SMAGP: variants seen among roughly 807,000 people sequenced by gnomAD.
SMAGP encodes small cell adhesion glycoprotein, also known as small cell transmembrane and glycosylated protein.
In SMAGP, 7 loss-of-function variants were observed where a neutral mutation model predicts 10.1. The ratio of observed to expected loss-of-function variants is 0.70; its 90% CI spans 0.40 to 1.31. The LOEUF (loss-of-function observed/expected upper bound fraction) is 1.31, where lower values mean the gene tolerates loss of function less well. Ranked by LOEUF, SMAGP falls within the 50% of genes most tolerant of loss-of-function variation. The probability of loss-of-function intolerance (pLI) is 0.01; values close to 1 mark genes in which losing one functional copy is unlikely to be tolerated. For synonymous variants in SMAGP, 49 were observed against 47.2 expected (o/e 1.04, Z -0.16); for missense variants, 113 against 116.5 (o/e 0.97, Z 0.14).
intron 2 of SMAGP, among the ~76,000 whole-genome samples, chr12:51,266,723 T>C (rs1944978055): frequency 1.3e-5 from 2 of 152,352 alleles, no homozygotes; most frequent in South Asian, 4.1e-4. Context: ...ACTGGGGTTT[T>C]TGGAATGAAT....
chr12:51,264,660 A>AG (rs2137310193), intron 2 of SMAGP, among the ~76,000 whole-genome samples: 1 of 150,314 alleles, frequency 6.7e-6, no homozygotes, highest in East Asian at 2.0e-4. Flanking sequence ...GGTCAGGCAC[A>AG]GTGGCTCATG....
intron 2 of SMAGP, among the ~76,000 whole-genome samples, chr12:51,258,984 CAAAAAAAA>C (rs35000436): frequency 1.6e-4 from 8 of 51,014 alleles, no homozygotes; most frequent in Non-Finnish European, 2.7e-4. Context: ...CTGTCTCTAC[CAAAAAAAA>C]AAAAAAAAAA....
chr12:51,261,466 G>GA (rs1049598045), intron 2 of SMAGP, among the ~76,000 whole-genome samples: 10 of 151,556 alleles, frequency 6.6e-5, no homozygotes, highest in African/African-American at 1.4e-4. Context: ...AAAGCCCAGA[G>GA]AAAAAAAAGG....
At chr12:51,259,942 T>C (rs1005456179) in intron 2 of SMAGP, among the ~76,000 whole-genome samples, 9 of 152,128 alleles carry the variant, frequency 5.9e-5, no homozygotes, top group African/African-American at 2.2e-4. Flanking sequence ...CTTGAACTCC[T>C]GGCCTTAAGG....
At chr12:51,255,442 C>T (rs1944876490) in intron 2 of SMAGP, among the ~76,000 whole-genome samples, 2 of 152,172 alleles carry the variant, frequency 1.3e-5, no homozygotes, top group African/African-American at 4.8e-5. Context: ...TGAGGTGGGG[C>T]CTGATTTCCA....
chr12:51,248,649 CA>C, intron 2 of SMAGP, among the ~76,000 whole-genome samples: 1 of 152,242 alleles, frequency 6.6e-6, no homozygotes, highest in South Asian at 2.1e-4. Flanking sequence ...CTGCCTTTCC[CA>C]TAGTGGGTCA....
intron 2 of SMAGP, among the ~76,000 whole-genome samples, 184 bp from the exon 3 acceptor site, chr12:51,247,015 G>C (rs1330787932): frequency 6.6e-6 from 1 of 152,080 alleles, no homozygotes; most frequent in Non-Finnish European, 1.5e-5. Context: ...ACCACCCAAA[G>C]ACAATATGTT....
Position 51,256,752 on chromosome 12 carries a change from CAA to C in SMAGP, c.35-9923_35-9922del, listed in dbSNP as rs578132864. Among the ~76,000 whole-genome samples the C allele has an allele frequency of 3.5e-3, 507 of 144,276 alleles. 4 individuals are homozygous for C. The highest frequency in any genetic ancestry group is 0.011 in the African/African-American group (444 of 39,254). The allele number at this position is 144,276 out of a possible 152,430, so 94.7% of individuals were successfully genotyped here. A position where few individuals can be genotyped will look rare whatever the true frequency, so the allele number is the denominator to read the frequency against. On this transcript the variant is annotated intron_variant, in intron 2 of 3. Transcript: ENST00000603798. ...AACAAACAAACAAACAAAAAAAACA[CAA>C]ACAAACAAAACCTCCCCCCCACCCA... is the stretch of plus-strand genomic sequence containing the variant.
intron 2 of SMAGP, among the ~76,000 whole-genome samples, chr12:51,264,361 G>A (rs1269231673): frequency 6.6e-6 from 1 of 152,204 alleles, no homozygotes; most frequent in Non-Finnish European, 1.5e-5. Context: ...AGCCAGGTGA[G>A]GTGGCTTGCG....
chr12:51,245,968 G>A lies in SMAGP; in HGVS notation c.267C>T (p.Gly89=), dbSNP rs779212592. The A allele has an allele frequency of 6.2e-7, 1 of 1,613,730 alleles. No homozygotes were observed. The highest frequency in any genetic ancestry group is 8.5e-7 in the Non-Finnish European group (1 of 1,179,822). ...AGATGAAATATTCCTCTTTCTCGCT[G>A]CCCTTGGCCAAGTCACTCTCCATCT... ...IVQMESDLAK[G]SEKEEYFI is the part of the protein sequence containing the mutation. The change falls in exon 4 of 4, where the codon GGC becomes GGT. Residue 89 remains glycine, a synonymous_variant. Transcript: ENST00000603798.
chr12:51,251,743 G>A (rs1944840710), intron 2 of SMAGP, among the ~76,000 whole-genome samples: 1 of 152,168 alleles, frequency 6.6e-6, no homozygotes, highest in Admixed American at 6.5e-5. Context: ...CAGAAGTCAT[G>A]TTGGTTTATA....
intron 2 of SMAGP, among the ~76,000 whole-genome samples, chr12:51,250,204 CAAAAA>C (rs11289025): frequency 4.0e-5 from 4 of 98,966 alleles, no homozygotes; most frequent in Admixed American, 1.1e-4. Flanking sequence ...ACTCTGTCTA[CAAAAA>C]AAAAAAAAAA....
At chr12:51,246,626 G>GTGTGTA (rs1944775355) in intron 3 of SMAGP, 125 bp downstream of exon 3, 1 of 597,746 alleles carries the variant, frequency 1.7e-6, no homozygotes, top group Non-Finnish European at 2.8e-6. Flanking sequence ...GTGTGTGTGT[G>GTGTGTA]TGTGTGTGTG....
chr12:51,245,839 C>A lies in SMAGP; in HGVS notation c.*102G>T. 1.5e-6 allele frequency: 2 copies of A among 1,361,720 alleles called. No homozygotes were observed. Among genetic ancestry groups the A allele is most frequent in the Non-Finnish European group, 2.0e-6 (2 of 1,004,372 alleles). 84.4% of individuals were successfully genotyped at this position (1,361,720 alleles called of 1,614,324 possible). ...GGCTGGAGCTTGGATTTGCCCACAT[C>A]AATCAATGCTTCTCCCTGGCTTCAG... On this transcript the variant is annotated 3_prime_UTR_variant, in exon 4 of 4. Transcript: ENST00000603798.
intron 2 of SMAGP, among the ~76,000 whole-genome samples, chr12:51,266,417 GC>G (rs1192062934): frequency 6.6e-6 from 1 of 150,400 alleles, no homozygotes; most frequent in African/African-American, 2.4e-5. Context: ...ATTTGGACAT[GC>G]CAACAAGAAG....
In SMAGP at chr12:51,245,406, G is replaced by C. The variant is rs1944753664; in HGVS notation, c.*535C>G. 1 of 152,828 alleles carries C rather than the reference G, an allele frequency of 6.5e-6. No homozygotes were observed. The highest frequency in any genetic ancestry group is 1.5e-5 in the Non-Finnish European group (1 of 68,194). 9.5% of individuals were successfully genotyped at this position (152,828 alleles called of 1,614,324 possible). A position where few individuals can be genotyped will look rare whatever the true frequency, so the allele number is the denominator to read the frequency against. ...ATAAAAATCACGTAAGCATGAGGTT[G>C]TTGGGGAACACGGAAAGGAAGGGCT... is the stretch of plus-strand genomic sequence containing the variant. On this transcript the variant is annotated 3_prime_UTR_variant, in exon 4 of 4. Coordinates refer to ENST00000603798, the MANE Select transcript of SMAGP (RefSeq NM_001031628.2).
chr12:51,261,480 C>A (rs1428991190), intron 2 of SMAGP, among the ~76,000 whole-genome samples: 1 of 151,998 alleles, frequency 6.6e-6, no homozygotes. Context: ...AAAAAGGGAG[C>A]CTAGAGCTTG....
chr12:51,258,029 T>C (rs1592235215), intron 2 of SMAGP, among the ~76,000 whole-genome samples: 1 of 152,132 alleles, frequency 6.6e-6, no homozygotes, highest in East Asian at 1.9e-4. Flanking sequence ...TAGCCAGGCA[T>C]GGTGGCACAC....
chr12:51,248,434 A>ACACT (rs1188710796), intron 2 of SMAGP, among the ~76,000 whole-genome samples: 148 of 77,564 alleles, frequency 1.9e-3, no homozygotes, highest in Non-Finnish European at 2.7e-3. Flanking sequence ...ACACACACAC[A>ACACT]CTCTCTCTCT....
Sources: allele counts gnomAD v4.1 joint callset (sites outside exome capture counted in the v4.1 genomes callset), GRCh38; gene constraint gnomAD v4.1.1; transcripts MANE v1.5; gene names NCBI Gene and HGNC (gene_info 2026-07-23, HGNC 2026-07-21).